SUSD2: variants seen among roughly 807,000 people sequenced by gnomAD.
The protein encoded by SUSD2 is sushi domain containing 2.
Under a neutral mutation model 93.8 loss-of-function variants are expected in SUSD2, and 86 were observed. The ratio of observed to expected loss-of-function variants is 0.92; its 90% confidence interval spans 0.77 to 1.10. SUSD2 has a LOEUF of 1.10. Among genes scored for constraint, SUSD2 ranks in the 50% least tolerant of loss-of-function variants. The pLI is 0.00. For missense variants in SUSD2, 1,060 were observed against 1,137.0 expected (o/e 0.93, Z 0.97); for synonymous variants, 483 against 485.0 (o/e 1.00, Z 0.05).
intron 10 of SUSD2, 179 bp from the exon 11 acceptor site, chr22:24,187,023 C>A: frequency 2.7e-6 from 2 of 745,860 alleles, no homozygotes; most frequent in Non-Finnish European, 4.3e-6. Context: ...AGTTCCACCG[C>A]AAGCATGGCA....
At position 24,183,039 on chromosome 22, in the gene SUSD2, C is replaced by T. The variant is rs2047334354; in HGVS notation, c.77-18C>T. The T allele has an allele frequency of 6.2e-7, 1 of 1,609,974 alleles. No individual in the cohort carries two copies. Among genetic ancestry groups the T allele is most frequent in the South Asian group, 1.1e-5 (1 of 90,892 alleles). ...TCCAGTACCCGCCGGGCCAGGCCCT[C>T]AGCATCCTCTCCTCCAGATGCCCAA... On this transcript the variant is annotated intron_variant, in intron 1 of 14. Transcript: ENST00000358321.
Position 24,185,304 on chromosome 22 carries a change from C to G in SUSD2, c.984+9C>G. ...ACTCCGGCCGCTTCTTCGTGAGCCT[C>G]CCATCAGGGCCCAGGAGAGGGGATG... On this transcript the variant is annotated intron_variant, in intron 6 of 14. Coordinates refer to ENST00000358321, the MANE Select transcript of SUSD2 (RefSeq NM_019601.4). 6.2e-7 allele frequency: 1 copy of G among 1,601,456 alleles called. No homozygotes were observed. Among genetic ancestry groups the G allele is most frequent in the African/African-American group, 1.3e-5 (1 of 74,950 alleles).
intron 10 of SUSD2, chr22:24,186,856 G>A (rs2047369404): frequency 4.5e-6 from 2 of 439,884 alleles, no homozygotes; most frequent in African/African-American, 3.9e-5. Flanking sequence ...GTTGGGATGG[G>A]TGAGGACCTG....
Position 24,184,994 on chromosome 22 carries a change from C to G in SUSD2, c.782+54C>G, listed in dbSNP as rs557290879. 1,477 of 1,611,490 alleles carry G rather than the reference C, an allele frequency of 9.2e-4. 1 individual carries two copies. The highest frequency in any genetic ancestry group is 1.1e-3 in the Non-Finnish European group (1,309 of 1,178,584). On this transcript the variant is annotated intron_variant, in intron 5 of 14. Coordinates refer to ENST00000358321, the MANE Select transcript of SUSD2 (RefSeq NM_019601.4). ...GCTGGAGGGCCTCGCCGCCCGAGGC[C>G]CATCATGCTTGCCTGGGCAGCCCAG...
chr22:24,183,425 TGGG>T (rs988587157), intron 2 of SUSD2, 67 bp from the exon 3 acceptor site: 3 of 1,568,482 alleles, frequency 1.9e-6, no homozygotes, highest in African/African-American at 2.7e-5. Flanking sequence ...CCAGGGAGGT[TGGG>T]GGCCCAGACC....
rs1247434287 is a variant in SUSD2 at position 24,185,301 on chromosome 22, C to T, written c.984+6C>T. 2.5e-6 allele frequency: 4 copies of T among 1,602,268 alleles called. No homozygotes were observed. In the African/African-American group the frequency reaches 4.0e-5, roughly 16 times the overall value. ...CTGACTCCGGCCGCTTCTTCGTGAG[C>T]CTCCCATCAGGGCCCAGGAGAGGGG... On this transcript the variant is annotated splice_donor_region_variant and intron_variant, in intron 6 of 14. Transcript: ENST00000358321.
In SUSD2 at chr22:24,185,560, T is replaced by C; in HGVS notation, c.1059T>C (p.Ser353=). Reference sequence around the variant, plus strand: ...CCGGGGCCGTGCACTGTGTGCGTTCTGTGCAGGCCAGGTGAGCCCCCAGGC... The same window carrying C: ...CCGGGGCCGTGCACTGTGTGCGTTCCGTGCAGGCCAGGTGAGCCCCCAGGC... ...YHPGAVHCVR[S]VQASLRYGSG... The change falls in exon 7 of 15, where the codon TCT becomes TCC. Residue 353 remains serine (S), a synonymous_variant. Transcript: ENST00000358321. 1 of 1,590,660 alleles carries C rather than the reference T, an allele frequency of 6.3e-7. No homozygotes were observed. The highest frequency in any genetic ancestry group is 1.1e-5 in the South Asian group (1 of 88,042).
rs771458027 is a variant in SUSD2, at chr22:24,188,420, G to A, written c.2453G>A (p.Trp818Ter). 1 of 1,611,000 alleles carries A rather than the reference G, an allele frequency of 6.2e-7. No homozygotes were observed. Among genetic ancestry groups the A allele is most frequent in the South Asian group, 1.1e-5 (1 of 91,054 alleles). ...CTGCGTTTCTGTTGCAGGCACGTCT[G>A]GGGTGCACAGCCCTGATGGGAGCAG... is the stretch of plus-strand genomic sequence containing the variant. Reference protein sequence around the residue: ...LRRRKGNTHVWGAQP With the variant: ...LRRRKGNTHV Residue 818 changes from tryptophan to a stop codon, truncating the protein, a stop_gained, in exon 15 of 15, where the codon TGG becomes TAG. Transcript: ENST00000358321. LOFTEE classifies it high-confidence loss of function. This position sits in a 1 kb window ranked among gnomAD's most constrained non-coding sequence, Gnocchi z 4.7.
At chr22:24,183,446 G>A in intron 2 of SUSD2, 49 bp from the exon 3 acceptor site, 1 of 1,586,028 alleles carries the variant, frequency 6.3e-7, no homozygotes, top group South Asian at 1.1e-5. Flanking sequence ...ACCATCGAGA[G>A]GCTCAGCCTG....
Position 24,186,022 on chromosome 22 carries a change from C to A in SUSD2, c.1346C>A (p.Ala449Asp). The change falls in exon 9 of 15, where the codon GCC becomes GAC. Residue 449 changes from alanine to aspartate, a missense_variant. Coordinates refer to ENST00000358321, the MANE Select transcript of SUSD2 (RefSeq NM_019601.4). ...CCCTCCACTCTCACCCTAGCCTCCG[C>A]CTTCGGAGACCCACACTTTGTGACC... is the stretch of plus-strand genomic sequence containing the variant. ...RNYRPPRLASAFGDPHFVTFD... is the reference protein window; with the variant it reads ...RNYRPPRLASDFGDPHFVTFD... The A allele has an allele frequency of 6.2e-7, 1 of 1,608,100 alleles. No homozygotes were observed. Among genetic ancestry groups the A allele is most frequent in the Non-Finnish European group, 8.5e-7 (1 of 1,176,630 alleles).
chr22:24,185,836 T>G lies in SUSD2; in HGVS notation c.1246T>G (p.Phe416Val). Residue 416 changes from phenylalanine (F) to valine (V), a missense_variant, in exon 8 of 15, where the codon TTC (phenylalanine) becomes GTC (valine). By Grantham distance (50) the Phe-to-Val change is conservative. This residue lies in a region of SUSD2 where 973 missense variants were observed against 1,005.3 expected (regional missense o/e 0.97). Transcript: ENST00000358321. ...MSHWLYDVLSFYYCCLWAPDC... is the reference protein window; with the variant it reads ...MSHWLYDVLSVYYCCLWAPDC... ...CCACTGGCTCTACGATGTCCTCAGC[T>G]TCTATTACTGCTGCCTCTGGGCACC... 6.2e-7 allele frequency: 1 copy of G among 1,607,874 alleles called. No individual in the cohort carries two copies. Among genetic ancestry groups the G allele is most frequent in the South Asian group, 1.1e-5 (1 of 90,206 alleles).
chr22:24,185,066 C>T, intron 5 of SUSD2, 28 bp from the exon 6 acceptor site: 1 of 1,611,314 alleles, frequency 6.2e-7, no homozygotes, highest in South Asian at 1.1e-5. Context: ...TGTGGGCTGG[C>T]CCAGCTCCAG....
chr22:24,182,809 C>G (rs964156664), intron 1 of SUSD2: 6 of 519,382 alleles, frequency 1.2e-5, no homozygotes, highest in African/African-American at 7.6e-5. Context: ...AGCTTTTTGC[C>G]TCTTCTCGCT....
At position 24,187,399 on chromosome 22, in the gene SUSD2, G is replaced by A. The variant is rs774850279; in HGVS notation, c.1840G>A (p.Val614Ile). The change falls in exon 11 of 15, where the codon GTC becomes ATC. Residue 614 changes from valine (V) to isoleucine (I), a missense_variant. By Grantham distance (29) the Val-to-Ile change is conservative (BLOSUM62 3). Coordinates refer to ENST00000358321, the MANE Select transcript of SUSD2 (RefSeq NM_019601.4). The stretch of plus-strand genomic sequence containing the variant: ...CGACTTCACCCTGCACAGCGGGCGC[G>A]TCCTGCCCCCAGGCACCAGTCCCCA... ...TDDFTLHSGR[V>I]LPPGTSPQEL... The A allele has an allele frequency of 8.7e-6, 14 of 1,613,356 alleles. No individual in the cohort carries two copies. Among genetic ancestry groups the A allele is most frequent in the African/African-American group, 6.7e-5 (5 of 74,772 alleles).
chr22:24,186,353 TGGAGGTGCTGCTGAACCA>T lies in SUSD2; in HGVS notation c.1591_1608del (p.Leu531_Leu536del). On this transcript the variant is annotated inframe_deletion, in exon 10 of 15. Coordinates refer to ENST00000358321, the MANE Select transcript of SUSD2 (RefSeq NM_019601.4). Reference sequence around the variant, plus strand: ...AGGCTGGCCAACAGGACCGGAGGTCTGGAGGTGCTGCTGAACCAGGAGGTGCTGAGCTTCACCGAGCAG... The same window carrying T: ...AGGCTGGCCAACAGGACCGGAGGTCTGGAGGTGCTGAGCTTCACCGAGCAG... The T allele has an allele frequency of 6.2e-7, 1 of 1,613,888 alleles. No individual in the cohort carries two copies. Among genetic ancestry groups the T allele is most frequent in the Non-Finnish European group, 8.5e-7 (1 of 1,180,028 alleles).
chr22:24,184,002 C>T (rs532912647), intron 3 of SUSD2, 134 bp from the exon 4 acceptor site: 442 of 871,316 alleles, frequency 5.1e-4, no homozygotes, highest in Non-Finnish European at 7.2e-4. Context: ...TTCTGCTGTG[C>T]GGGCCAGAGA....
At chr22:24,187,159 A>G in intron 10 of SUSD2, 43 bp from the exon 11 acceptor site, 3 of 1,588,678 alleles carry the variant, frequency 1.9e-6, no homozygotes, top group African/African-American at 1.3e-5. Context: ...AGGGGACAAG[A>G]TGCTCACAGC....
intron 10 of SUSD2, 129 bp downstream of exon 10, chr22:24,186,544 C>T: frequency 1.7e-6 from 2 of 1,169,510 alleles, no homozygotes; most frequent in South Asian, 1.6e-5. Flanking sequence ...GTGGTCCGAC[C>T]TCAGGCCTTC....
In SUSD2 at chr22:24,188,292, C is replaced by A; in HGVS notation, c.2409C>A (p.Leu803=). Residue 803 remains leucine, a synonymous_variant, in exon 14 of 15, where the codon CTC becomes CTA. Transcript: ENST00000358321. The surrounding 1 kb of genome is among the most constrained non-coding windows in gnomAD (Gnocchi z 4.7). ...TCGCGGTGGTGGCGGCGGTTGCGCT[C>A]GTCTATGTGCTGCTGCGCCGCAGGA... The part of the protein sequence containing the change: ...GGLAVVAAVA[L]VYVLLRRRKG... 6.2e-7 allele frequency: 1 copy of A among 1,605,326 alleles called. No homozygotes were observed.
Sources: gnomAD v4.1 joint callset for allele counts on GRCh38, gnomAD v4.1.1 for gene constraint, gnomAD v4.1.1 regional missense constraint, Gnocchi (gnomAD v3.1) non-coding constraint, MANE v1.5 for transcripts, NCBI Gene and HGNC (gene_info 2026-07-23, HGNC 2026-07-21) for gene names.